The following CSMD1 variants were observed in gnomAD, a reference collection of about 807,000 sequenced individuals.
The protein encoded by CSMD1 is CUB and Sushi multiple domains 1.
CSMD1 carries 213 observed loss-of-function variants against 417.5 expected under a neutral mutation model. The ratio of observed to expected loss-of-function variants is 0.51; its 90% CI spans 0.46 to 0.57. The LOEUF (loss-of-function observed/expected upper bound fraction) is 0.57. Among genes scored for constraint, CSMD1 ranks in the 20% least tolerant of loss-of-function variants. The pLI is 0.00. For synonymous variants in CSMD1, 2,862 were observed against 1,736.8 expected (o/e 1.65, Z -16.11); for missense variants, 6,923 against 4,529.7 (o/e 1.53, Z -15.17).
intron 30 of CSMD1, 116 bp downstream of exon 30, chr8:3,214,381 C>T (rs758128558): frequency 7.0e-6 from 6 of 853,094 alleles, no homozygotes; most frequent in Non-Finnish European, 1.1e-5. Flanking sequence ...GCTCTCTAAG[C>T]AATCCTCACC....
At chr8:4,019,862 C>G (rs555103222) in intron 4 of CSMD1, among the ~76,000 whole-genome samples, 72 of 151,212 alleles carry the variant, frequency 4.8e-4, no homozygotes, top group Middle Eastern at 3.4e-3. Flanking sequence ...AACCATTTCT[C>G]TCCTCAAGTC....
intron 3 of CSMD1, among the ~76,000 whole-genome samples, chr8:4,116,206 C>G (rs1802137507): frequency 6.6e-6 from 1 of 151,878 alleles, no homozygotes; most frequent in South Asian, 2.1e-4. Flanking sequence ...GTTGGCCAGG[C>G]TGGTCCTGAA....
At chr8:4,249,648 T>C (rs1161211721) in intron 3 of CSMD1, among the ~76,000 whole-genome samples, 6 of 152,166 alleles carry the variant, frequency 3.9e-5, no homozygotes, top group African/African-American at 4.8e-5. Context: ...AACGTGGCTC[T>C]AGGCTTGAGA....
At chr8:3,924,580 GA>G (rs1809507593) in intron 5 of CSMD1, among the ~76,000 whole-genome samples, 1 of 152,046 alleles carries the variant, frequency 6.6e-6, no homozygotes, top group Non-Finnish European at 1.5e-5. Flanking sequence ...CCTGTGACTG[GA>G]TAATTTTAAA....
chr8:4,984,559 C>T (rs920587329), intron 1 of CSMD1, among the ~76,000 whole-genome samples: 3 of 152,254 alleles, frequency 2.0e-5, no homozygotes, highest in Admixed American at 2.0e-4. Context: ...TGCTTCTCCT[C>T]AACATCCTCA....
At chr8:4,563,564 G>C (rs1171817354) in intron 2 of CSMD1, among the ~76,000 whole-genome samples, 2 of 152,250 alleles carry the variant, frequency 1.3e-5, no homozygotes, top group Non-Finnish European at 1.5e-5. Context: ...TCCAACTGTA[G>C]TGCTTTCCTT....
At position 4,278,821 on chromosome 8, in the gene CSMD1, G is replaced by C. The variant is rs1796627137; in HGVS notation, c.415+141132C>G. On this transcript the variant is annotated intron_variant, in intron 3 of 69. Transcript: ENST00000635120. The stretch of plus-strand genomic sequence containing the variant: ...ATTTGTGTTTATAAATTTGGCTCTT[G>C]GAGTATTTATAGGAAAAACACTTTA... Among the ~76,000 whole-genome samples the C allele has an allele frequency of 3.9e-5, 6 of 152,106 alleles. No individual in the cohort carries two copies. In the South Asian group the frequency reaches 1.2e-3, roughly 32 times the overall value.
At chr8:4,614,794 A>C (rs1200773343) in intron 2 of CSMD1, among the ~76,000 whole-genome samples, 1 of 152,204 alleles carries the variant, frequency 6.6e-6, no homozygotes, top group East Asian at 1.9e-4. Context: ...TGTAGAATTT[A>C]AAATGCATAT....
intron 8 of CSMD1, among the ~76,000 whole-genome samples, chr8:3,600,394 C>A (rs895510122): frequency 6.6e-6 from 1 of 152,156 alleles, no homozygotes; most frequent in Non-Finnish European, 1.5e-5. Flanking sequence ...TACTCTATTT[C>A]CCCTAGAATA....
At chr8:4,235,360 G>GTTT (rs150464000) in intron 3 of CSMD1, among the ~76,000 whole-genome samples, 1 of 148,636 alleles carries the variant, frequency 6.7e-6, no homozygotes, top group Non-Finnish European at 1.5e-5. Context: ...GACGTGTTTT[G>GTTT]TTTTTTTTTT....
At position 4,292,654 on chromosome 8, in the gene CSMD1, A is replaced by C. The variant is rs537208480; in HGVS notation, c.415+127299T>G. Among the ~76,000 whole-genome samples, 7 of 152,274 alleles carry C rather than the reference A, an allele frequency of 4.6e-5. 1 individual carries two copies. The highest frequency in any genetic ancestry group is 1.7e-4 in the African/African-American group (7 of 41,550). On this transcript the variant is annotated intron_variant, in intron 3 of 69. Coordinates refer to ENST00000635120, the MANE Select transcript of CSMD1 (RefSeq NM_033225.6). The stretch of plus-strand genomic sequence containing the variant: ...TGTGCCTCAGTCTTGCATCATCAAC[A>C]TGTTTCTATACATGAAAATATTCAT...
Position 4,090,879 on chromosome 8 carries a change from C to T in CSMD1, c.416-58780G>A, listed in dbSNP as rs191372127. On this transcript the variant is annotated intron_variant, in intron 3 of 69. Transcript: ENST00000635120. ...GCCATAACTATTTTACTAATGGATG[C>T]TGTCTACATTATTAGTAACATAAGG... Among the ~76,000 whole-genome samples the T allele has an allele frequency of 4.9e-4, 74 of 151,706 alleles. 2 individuals are homozygous for T. The highest frequency in any genetic ancestry group is 2.9e-3 in the Admixed American group (44 of 15,216).
intron 1 of CSMD1, among the ~76,000 whole-genome samples, chr8:4,862,698 G>T (rs1300731451): frequency 1.3e-5 from 2 of 152,050 alleles, no homozygotes. Flanking sequence ...GATAAGCAAG[G>T]CCATGGGAGG....
chr8:4,296,030 A>G (rs1206439888), intron 3 of CSMD1, among the ~76,000 whole-genome samples: 1 of 152,000 alleles, frequency 6.6e-6, no homozygotes, highest in African/African-American at 2.4e-5. Flanking sequence ...TTAAAAATGA[A>G]ACTGTCTAAT....
intron 10 of CSMD1, among the ~76,000 whole-genome samples, chr8:3,527,524 G>A (rs903618710): frequency 1.5e-4 from 23 of 152,212 alleles, no homozygotes; most frequent in Middle Eastern, 3.4e-3. Flanking sequence ...GAGCTGGGTG[G>A]TATCTCGATT....
intron 3 of CSMD1, among the ~76,000 whole-genome samples, chr8:4,132,756 G>C (rs931316605): frequency 2.0e-5 from 3 of 152,150 alleles, no homozygotes; most frequent in Non-Finnish European, 4.4e-5. Flanking sequence ...TAGTGTTGAT[G>C]TTCTCTACAA....
At chr8:3,874,376 G>A (rs1220247187) in intron 5 of CSMD1, among the ~76,000 whole-genome samples, 2 of 152,200 alleles carry the variant, frequency 1.3e-5, no homozygotes, top group East Asian at 1.9e-4. Flanking sequence ...ACTCTTTAAA[G>A]ACGTACTTTT....
At chr8:4,950,178 T>C (rs1808647167) in intron 1 of CSMD1, among the ~76,000 whole-genome samples, 1 of 152,208 alleles carries the variant, frequency 6.6e-6, no homozygotes, top group African/African-American at 2.4e-5. Flanking sequence ...GATTGTGCTA[T>C]CATAATCTTT....
intron 10 of CSMD1, among the ~76,000 whole-genome samples, chr8:3,495,447 G>A (rs1210128243): frequency 1.3e-5 from 2 of 152,140 alleles, no homozygotes; most frequent in African/African-American, 4.8e-5. Context: ...CTCATTAGGG[G>A]TGGAAAAAGG....
Sources: gnomAD v4.1 joint callset for allele counts (sites outside exome capture counted in the v4.1 genomes callset) on GRCh38, gnomAD v4.1.1 for gene constraint, MANE v1.5 for transcripts, NCBI Gene and HGNC (gene_info 2026-07-23, HGNC 2026-07-21) for gene names.